SGCZ: variants seen among roughly 807,000 people sequenced by gnomAD.
The protein encoded by SGCZ is zeta-sarcoglycan.
SGCZ carries 40 observed loss-of-function variants against 41.3 expected under a neutral mutation model. That is an observed-to-expected ratio of 0.97 (90% CI 0.75 to 1.26). SGCZ has a LOEUF of 1.26. Among genes scored for constraint, SGCZ ranks in the 50% most tolerant of loss-of-function variants. SGCZ has a pLI of 0.00. For missense variants in SGCZ, 552 were observed against 369.8 expected (o/e 1.49, Z -4.04); for synonymous variants, 206 against 137.5 (o/e 1.50, Z -3.49).
At chr8:14,832,373 G>GA (rs1287896169) in intron 1 of SGCZ, among the ~76,000 whole-genome samples, 1 of 152,084 alleles carries the variant, frequency 6.6e-6, no homozygotes, top group East Asian at 1.9e-4. Flanking sequence ...GAACATCCCT[G>GA]AATTTACACA....
chr8:14,157,439 T>C (rs1404834402), intron 5 of SGCZ, among the ~76,000 whole-genome samples: 2 of 150,804 alleles, frequency 1.3e-5, no homozygotes, highest in Non-Finnish European at 3.0e-5. Context: ...ATATGTCTTT[T>C]TGACATGTCC....
At chr8:14,858,492 C>T (rs1803616013) in intron 1 of SGCZ, among the ~76,000 whole-genome samples, 1 of 152,054 alleles carries the variant, frequency 6.6e-6, no homozygotes. Flanking sequence ...TGGACTCACA[C>T]AGATACAAGT....
At chr8:15,053,752 G>C (rs779586912) in intron 1 of SGCZ, among the ~76,000 whole-genome samples, 3 of 152,088 alleles carry the variant, frequency 2.0e-5, no homozygotes, top group Non-Finnish European at 2.9e-5. Context: ...TCTTGTCAAT[G>C]ATATTTACCT....
chr8:14,444,074 C>A (rs1315869419), intron 2 of SGCZ, among the ~76,000 whole-genome samples: 9 of 152,304 alleles, frequency 5.9e-5, no homozygotes, highest in African/African-American at 1.4e-4. Flanking sequence ...CTCATCATCA[C>A]TGGCCATCAG....
In SGCZ at chr8:14,268,427, TC is replaced by T. The variant is rs548361445; in HGVS notation, c.337-30749del. Among the ~76,000 whole-genome samples the T allele has an allele frequency of 5.5e-3, 832 of 151,576 alleles. 8 individuals are homozygous for T. The highest frequency in any genetic ancestry group is 0.019 in the African/African-American group (796 of 41,466). On this transcript the variant is annotated intron_variant, in intron 3 of 7. Coordinates refer to ENST00000382080, the MANE Select transcript of SGCZ (RefSeq NM_139167.4). Reference sequence around the variant, plus strand: ...CATTTTTGCCTCTGACTTTCCAATTTCAAGTAAAAATCTGTCTCACTGGCAT... The same window carrying T: ...CATTTTTGCCTCTGACTTTCCAATTTAAGTAAAAATCTGTCTCACTGGCAT...
intron 1 of SGCZ, among the ~76,000 whole-genome samples, chr8:14,831,138 A>G (rs527518839): frequency 7.9e-5 from 12 of 152,170 alleles, no homozygotes; most frequent in Admixed American, 3.3e-4. Flanking sequence ...TGAAAAGTGT[A>G]TATGTCCATG....
intron 1 of SGCZ, among the ~76,000 whole-genome samples, chr8:14,619,446 C>T (rs1423260195): frequency 7.4e-6 from 1 of 135,076 alleles, no homozygotes; most frequent in African/African-American, 2.7e-5. Context: ...CCAGGGCAAT[C>T]AGGCAGGAGG....
At chr8:14,204,833 G>C (rs1805568049) in intron 4 of SGCZ, among the ~76,000 whole-genome samples, 1 of 152,106 alleles carries the variant, frequency 6.6e-6, no homozygotes, top group African/African-American at 2.4e-5. Context: ...TCTTCACCAG[G>C]TTCTCAGGCA....
At chr8:14,687,322 C>A (rs1408329303) in intron 1 of SGCZ, among the ~76,000 whole-genome samples, 9 of 137,402 alleles carry the variant, frequency 6.6e-5, no homozygotes, top group Admixed American at 6.3e-4. Context: ...TTAGGTATAT[C>A]TCCTAAAGCT....
At chr8:14,714,859 G>C (rs1809636546) in intron 1 of SGCZ, among the ~76,000 whole-genome samples, 1 of 152,014 alleles carries the variant, frequency 6.6e-6, no homozygotes, top group African/African-American at 2.4e-5. Context: ...AAACTTACCA[G>C]GGAATGCGGG....
intron 5 of SGCZ, among the ~76,000 whole-genome samples, chr8:14,121,074 A>G (rs1802681836): frequency 6.6e-6 from 1 of 152,174 alleles, no homozygotes; most frequent in African/African-American, 2.4e-5. Flanking sequence ...ACTGTGAAAT[A>G]GAGAAATAGC....
intron 1 of SGCZ, among the ~76,000 whole-genome samples, chr8:14,746,290 G>A (rs964211614): frequency 6.6e-5 from 10 of 151,886 alleles, no homozygotes; most frequent in African/African-American, 1.4e-4. Context: ...GATTTTTCAC[G>A]TTCCACATTG....
chr8:14,431,917 CAT>C lies in SGCZ; in HGVS notation c.235-107715_235-107714del, dbSNP rs371671558. On this transcript the variant is annotated intron_variant, in intron 2 of 7. Coordinates refer to ENST00000382080, the MANE Select transcript of SGCZ (RefSeq NM_139167.4). The stretch of plus-strand genomic sequence containing the variant: ...AGAAGATACACCAATGGCCAACAAA[CAT>C]ATGAAAAAATGCTCAACATCACTAA... Among the ~76,000 whole-genome samples the C allele has an allele frequency of 1.4e-3, 210 of 152,228 alleles. 3 individuals are homozygous for C. The East Asian group carries it at 0.035, about 25-fold the overall frequency.
intron 1 of SGCZ, among the ~76,000 whole-genome samples, chr8:15,056,552 A>C (rs1169202248): frequency 6.6e-6 from 1 of 152,126 alleles, no homozygotes; most frequent in East Asian, 1.9e-4. Flanking sequence ...GCAAAAAAAA[A>C]AAAACATTAG....
At chr8:14,714,858 A>G (rs1308488529) in intron 1 of SGCZ, among the ~76,000 whole-genome samples, 3 of 152,152 alleles carry the variant, frequency 2.0e-5, no homozygotes, top group Admixed American at 6.5e-5. Context: ...AAAACTTACC[A>G]GGGAATGCGG....
In SGCZ at chr8:15,201,360, C is replaced by T. The variant is rs189331245; in HGVS notation, c.39+36225G>A. ...ACAAGAAGAGAAGATACACCAGGTA[C>T]CTGCCGATGACTCATAGTTTGCTTC... On this transcript the variant is annotated intron_variant, in intron 1 of 7. Transcript: ENST00000382080. Among the ~76,000 whole-genome samples, 691 of 152,258 alleles carry T rather than the reference C, an allele frequency of 4.5e-3. 1 individual carries two copies. Among genetic ancestry groups the T allele is most frequent in the Non-Finnish European group, 7.8e-3 (531 of 68,022 alleles).
intron 5 of SGCZ, among the ~76,000 whole-genome samples, chr8:14,160,341 T>G (rs979117918): frequency 6.6e-6 from 1 of 152,224 alleles, no homozygotes; most frequent in Admixed American, 6.5e-5. Flanking sequence ...AGATTGCAGT[T>G]GATTGATTCT....
intron 2 of SGCZ, among the ~76,000 whole-genome samples, chr8:14,507,496 A>G (rs1349130314): frequency 6.6e-6 from 1 of 152,228 alleles, no homozygotes; most frequent in East Asian, 1.9e-4. Context: ...AGCCAAAATG[A>G]AAGCCAGTAA....
At position 14,713,689 on chromosome 8, in the gene SGCZ, G is replaced by A. The variant is rs565589495; in HGVS notation, c.40-158763C>T. Reference sequence around the variant, plus strand: ...CTTAAAAACAGTAATAACCCCTGCCGCAAAAGAAAAAAAAAAAAGCTAAAG... The same window carrying A: ...CTTAAAAACAGTAATAACCCCTGCCACAAAAGAAAAAAAAAAAAGCTAAAG... On this transcript the variant is annotated intron_variant, in intron 1 of 7. Transcript: ENST00000382080. Among the ~76,000 whole-genome samples the A allele has an allele frequency of 8.4e-3, 1,068 of 127,108 alleles. 10 individuals are homozygous for A. The highest frequency in any genetic ancestry group is 0.013 in the Non-Finnish European group (786 of 60,696). 83.4% of individuals were successfully genotyped at this position (127,108 alleles called of 152,430 possible). A position where few individuals can be genotyped will look rare whatever the true frequency, so the allele number is the denominator to read the frequency against.
Sources: allele counts gnomAD v4.1 joint callset (sites outside exome capture counted in the v4.1 genomes callset), GRCh38; gene constraint gnomAD v4.1.1; transcripts MANE v1.5; gene names NCBI Gene and HGNC (gene_info 2026-07-23, HGNC 2026-07-21).